Variants in ARHGAP10 observed in about 807,000 individuals in gnomAD.
ARHGAP10 encodes rho GTPase-activating protein 10.
A neutral mutation model predicts 108.6 loss-of-function variants in ARHGAP10; 87 were observed. The ratio of observed to expected loss-of-function variants is 0.80; its 90% confidence interval spans 0.67 to 0.96. ARHGAP10 has a LOEUF of 0.96. Ranked by LOEUF, ARHGAP10 falls within the 40% of genes least tolerant of loss-of-function variation. The probability of loss-of-function intolerance (pLI) is 0.00; values close to 1 mark genes in which losing one functional copy is unlikely to be tolerated. For synonymous variants in ARHGAP10, 347 were observed against 341.1 expected (o/e 1.02, Z -0.19); for missense variants, 939 against 954.5 (o/e 0.98, Z 0.21).
chr4:147,847,211 G>C lies in ARHGAP10; in HGVS notation c.373G>C (p.Gly125Arg). 6.2e-7 allele frequency: 1 copy of C among 1,612,330 alleles called. No homozygotes were observed. The highest frequency in any genetic ancestry group is 8.5e-7 in the Non-Finnish European group (1 of 1,178,526). The change falls in exon 4 of 23, where the codon GGA (glycine) becomes CGA (arginine). Residue 125 changes from glycine (G) to arginine (R), a missense_variant. Gly to Arg is a moderately radical substitution (Grantham distance 125). Coordinates refer to ENST00000336498, the MANE Select transcript of ARHGAP10 (RefSeq NM_024605.4). The part of the protein sequence containing the change: ...PLEKFRKEQL[G>R]AVKEEKKKFD... ...GGAAAAATTCAGAAAAGAGCAACTTGGAGCTGTAAAGGTTTGTGTCTAATT... is the reference window on the plus strand; with the variant it reads ...GGAAAAATTCAGAAAAGAGCAACTTCGAGCTGTAAAGGTTTGTGTCTAATT...
At chr4:147,972,978 C>T (rs1739465714) in intron 18 of ARHGAP10, among the ~76,000 whole-genome samples, 1 of 152,010 alleles carries the variant, frequency 6.6e-6, no homozygotes, top group South Asian at 2.1e-4. Flanking sequence ...TGGTTTCGAA[C>T]TCCTGATCTC....
chr4:147,931,350 A>G (rs1737672882), intron 13 of ARHGAP10, among the ~76,000 whole-genome samples: 1 of 151,930 alleles, frequency 6.6e-6, no homozygotes. Context: ...AAACACATTG[A>G]CCAGGTTACA....
chr4:147,739,890 C>A (rs1446579657), intron 1 of ARHGAP10, among the ~76,000 whole-genome samples: 1 of 151,330 alleles, frequency 6.6e-6, no homozygotes, highest in Admixed American at 6.6e-5. Flanking sequence ...CGCCTGCCAC[C>A]ACACCCGGCT....
chr4:147,738,248 G>A (rs946293905), intron 1 of ARHGAP10, among the ~76,000 whole-genome samples: 5 of 152,200 alleles, frequency 3.3e-5, no homozygotes, highest in East Asian at 1.9e-4. Context: ...CTGTGTTCTC[G>A]TCAGTAAAAT....
At chr4:147,820,033 G>T (rs1732419017) in intron 1 of ARHGAP10, among the ~76,000 whole-genome samples, 2 of 152,162 alleles carry the variant, frequency 1.3e-5, no homozygotes, top group South Asian at 4.1e-4. Flanking sequence ...AAATAAGACG[G>T]CAGTAGAATG....
chr4:147,992,563 C>G (rs7657316), intron 18 of ARHGAP10, among the ~76,000 whole-genome samples: 5,212 of 152,046 alleles, frequency 0.034, 150 homozygotes, highest in South Asian at 0.1. Context: ...CCACCACCAA[C>G]CCCAGCTAAT....
At chr4:147,903,646 T>C (rs1367321625) in intron 10 of ARHGAP10, among the ~76,000 whole-genome samples, 1 of 152,214 alleles carries the variant, frequency 6.6e-6, no homozygotes, top group African/African-American at 2.4e-5. Context: ...CAACCAGTGA[T>C]CTTTTTACTG....
chr4:147,927,192 A>G (rs1241301085), intron 13 of ARHGAP10, among the ~76,000 whole-genome samples: 29 of 152,208 alleles, frequency 1.9e-4, no homozygotes, highest in Admixed American at 1.8e-3. Flanking sequence ...GTTAAATAAC[A>G]AAGTTTAAAA....
chr4:147,906,521 A>T (rs61688243), intron 10 of ARHGAP10, 117 bp from the exon 11 acceptor site: 3 of 871,822 alleles, frequency 3.4e-6, no homozygotes, highest in East Asian at 2.6e-5. Flanking sequence ...ATTTTAGGTT[A>T]CATGTATTTT....
chr4:147,957,793 T>C (rs1738842625), intron 16 of ARHGAP10, among the ~76,000 whole-genome samples: 1 of 152,206 alleles, frequency 6.6e-6, no homozygotes, highest in Non-Finnish European at 1.5e-5. Context: ...TGTTAATTTC[T>C]AGGGTTCATG....
rs1274805679 is a variant in ARHGAP10 at position 147,779,361 on chromosome 4, C to T, written c.155-43366C>T. 2.6e-5 allele frequency among the ~76,000 whole-genome samples: 4 copies of T among 152,126 alleles called. No homozygotes were observed. In the South Asian group the frequency reaches 8.3e-4, roughly 32 times the overall value. Reference sequence around the variant, plus strand: ...TGGGCCCAGGGATCTTGAGTACCAGCCTAAGGAGCTGGCACTCTCTTTAGG... The same window carrying T: ...TGGGCCCAGGGATCTTGAGTACCAGTCTAAGGAGCTGGCACTCTCTTTAGG... On this transcript the variant is annotated intron_variant, in intron 1 of 22. Coordinates refer to ENST00000336498, the MANE Select transcript of ARHGAP10 (RefSeq NM_024605.4).
At chr4:147,833,593 A>G (rs901690893) in intron 3 of ARHGAP10, among the ~76,000 whole-genome samples, 1 of 152,228 alleles carries the variant, frequency 6.6e-6, no homozygotes, top group African/African-American at 2.4e-5. Context: ...TGGACTTTGA[A>G]GAAGTTTTAG....
At chr4:148,033,443 C>A in intron 19 of ARHGAP10, among the ~76,000 whole-genome samples, 1 of 152,214 alleles carries the variant, frequency 6.6e-6, no homozygotes, top group East Asian at 1.9e-4. Flanking sequence ...TAAAGGAAAA[C>A]CTATATATTT....
chr4:147,894,220 CCAT>C (rs1462159277), intron 10 of ARHGAP10, among the ~76,000 whole-genome samples: 5 of 152,144 alleles, frequency 3.3e-5, no homozygotes, highest in Non-Finnish European at 7.3e-5. Context: ...TTTTACCCTC[CCAT>C]CAGCAGTGTA....
At chr4:148,044,288 C>T (rs1431255181) in intron 19 of ARHGAP10, among the ~76,000 whole-genome samples, 1 of 152,092 alleles carries the variant, frequency 6.6e-6, no homozygotes, top group Non-Finnish European at 1.5e-5. Context: ...TAACATTAAA[C>T]CCCTGGTCTC....
At chr4:147,910,608 G>T (rs1193859748) in intron 12 of ARHGAP10, among the ~76,000 whole-genome samples, 1 of 151,730 alleles carries the variant, frequency 6.6e-6, no homozygotes, top group African/African-American at 2.4e-5. Context: ...AATATTCAAG[G>T]ACAACGATCT....
chr4:147,847,773 C>T (rs1464400003), intron 4 of ARHGAP10, among the ~76,000 whole-genome samples: 3 of 152,106 alleles, frequency 2.0e-5, no homozygotes, highest in Non-Finnish European at 4.4e-5. Context: ...GTGAGTGAAC[C>T]ACAGACTTTG....
At chr4:147,959,288 T>TGA (rs1050410004) in intron 16 of ARHGAP10, among the ~76,000 whole-genome samples, 5 of 152,092 alleles carry the variant, frequency 3.3e-5, no homozygotes, top group African/African-American at 1.2e-4. Context: ...AATGGATGTG[T>TGA]GATTTTAAAA....
chr4:147,980,118 A>G (rs1739754348), intron 18 of ARHGAP10, among the ~76,000 whole-genome samples: 1 of 152,160 alleles, frequency 6.6e-6, no homozygotes, highest in Non-Finnish European at 1.5e-5. Flanking sequence ...TCCGGTTCTT[A>G]AGGAAAATGC....
Sources: gnomAD v4.1 joint callset for allele counts (sites outside exome capture counted in the v4.1 genomes callset) on GRCh38, gnomAD v4.1.1 for gene constraint, MANE v1.5 for transcripts, NCBI Gene and HGNC (gene_info 2026-07-23, HGNC 2026-07-21) for gene names.